The following CDH4 variants were observed in gnomAD, a reference collection of about 807,000 sequenced individuals.
The protein encoded by CDH4 is cadherin 4, also known as cadherin-4.
In CDH4, 33 loss-of-function variants were observed where a neutral mutation model predicts 86.0. The observed-to-expected ratio is 0.38, with a 90% confidence interval of 0.29 to 0.51. The LOEUF is 0.51. Ranked by LOEUF, CDH4 falls within the 20% of genes least tolerant of loss-of-function variation. The probability of loss-of-function intolerance (pLI) is 0.86; values close to 1 mark genes in which losing one functional copy is unlikely to be tolerated. For missense variants in CDH4, 1,114 were observed against 1,307.4 expected (o/e 0.85, Z 2.28); for synonymous variants, 555 against 549.4 (o/e 1.01, Z -0.14).
intron 2 of CDH4, among the ~76,000 whole-genome samples, chr20:61,528,818 C>T (rs189331836): frequency 2.4e-4 from 37 of 151,052 alleles, no homozygotes; most frequent in Admixed American, 2.2e-3. Context: ...CGTGTCTGGC[C>T]GTCCTTGGAA....
intron 3 of CDH4, among the ~76,000 whole-genome samples, chr20:61,772,377 G>T (rs1189538256): frequency 1.3e-5 from 2 of 152,184 alleles, no homozygotes; most frequent in African/African-American, 4.8e-5. Flanking sequence ...AGGTAAAAAG[G>T]ATATATTACT....
chr20:61,924,357 C>G lies in CDH4; in HGVS notation c.1652C>G (p.Ala551Gly), dbSNP rs757482218. 1 of 1,613,586 alleles carries G rather than the reference C, an allele frequency of 6.2e-7. No homozygotes were observed. Among genetic ancestry groups the G allele is most frequent in the East Asian group, 2.2e-5 (1 of 44,848 alleles). The change falls in exon 11 of 16, where the codon GCG (alanine) becomes GGG (glycine). Residue 551 changes from alanine to glycine, a missense_variant. This residue lies in a region of CDH4 where 705 missense variants were observed against 914.1 expected (regional missense o/e 0.77). Coordinates refer to ENST00000614565, the MANE Select transcript of CDH4 (RefSeq NM_001794.5). ...AVRYSKLSDPASWLHINATNG... is the reference protein window; with the variant it reads ...AVRYSKLSDPGSWLHINATNG... ...AGATACTCAAAGCTGTCAGACCCAG[C>G]GAGCTGGCTGCACATCAATGCCACC... is the stretch of plus-strand genomic sequence containing the variant.
chr20:61,310,095 C>T (rs2084437398), intron 2 of CDH4, among the ~76,000 whole-genome samples: 1 of 152,146 alleles, frequency 6.6e-6, no homozygotes, highest in South Asian at 2.1e-4. Context: ...TCACCTGCCC[C>T]CCTCCAAAGC....
intron 2 of CDH4, among the ~76,000 whole-genome samples, chr20:61,515,354 C>T (rs576908351): frequency 6.6e-6 from 1 of 152,346 alleles, no homozygotes; most frequent in Admixed American, 6.5e-5. Flanking sequence ...CCAAAAGCTG[C>T]ATGTATGATA....
intron 2 of CDH4, among the ~76,000 whole-genome samples, chr20:61,683,795 G>A (rs16985437): frequency 0.046 from 6,966 of 152,322 alleles, 302 homozygotes; most frequent in African/African-American, 0.1. Flanking sequence ...CTAAGTAAAC[G>A]ATCCTGATTA....
At chr20:61,731,880 G>A (rs1372697975) in intron 2 of CDH4, among the ~76,000 whole-genome samples, 1 of 152,170 alleles carries the variant, frequency 6.6e-6, no homozygotes, top group African/African-American at 2.4e-5. Flanking sequence ...CTCTACTGGA[G>A]GGTGTGTCCC....
intron 2 of CDH4, among the ~76,000 whole-genome samples, chr20:61,323,067 C>T (rs2084517443): frequency 6.6e-6 from 1 of 152,216 alleles, no homozygotes; most frequent in South Asian, 2.1e-4. Flanking sequence ...CCAGGACGCA[C>T]TGCCGGATAT....
At chr20:61,653,429 C>T (rs1319995817) in intron 2 of CDH4, among the ~76,000 whole-genome samples, 1 of 137,606 alleles carries the variant, frequency 7.3e-6, no homozygotes, top group African/African-American at 2.6e-5. Flanking sequence ...GTCATCATGG[C>T]CCGTTCTCAA....
chr20:61,822,890 G>T (rs543727295), intron 4 of CDH4, among the ~76,000 whole-genome samples: 3 of 152,008 alleles, frequency 2.0e-5, no homozygotes, highest in East Asian at 3.9e-4. Context: ...TGCCAGAGGA[G>T]CAGGTCGAAG....
At chr20:61,631,405 C>G (rs1416522613) in intron 2 of CDH4, among the ~76,000 whole-genome samples, 1 of 152,122 alleles carries the variant, frequency 6.6e-6, no homozygotes, top group Non-Finnish European at 1.5e-5. Context: ...TTTGGGAGAC[C>G]GAGGAGGGCA....
At chr20:61,344,292 C>A (rs1475164091) in intron 2 of CDH4, among the ~76,000 whole-genome samples, 1 of 152,134 alleles carries the variant, frequency 6.6e-6, no homozygotes, top group Non-Finnish European at 1.5e-5. Flanking sequence ...TGGGGTCACA[C>A]AAGGGGGCTG....
At chr20:61,772,414 A>T (rs971563976) in intron 3 of CDH4, among the ~76,000 whole-genome samples, 1 of 152,196 alleles carries the variant, frequency 6.6e-6, no homozygotes, top group African/African-American at 2.4e-5. Context: ...GATTACTGGG[A>T]GATGTGGATA....
chr20:61,283,485 GATGTAGGTGCA>G (rs2084274778), intron 2 of CDH4, among the ~76,000 whole-genome samples: 1 of 131,586 alleles, frequency 7.6e-6, no homozygotes, highest in African/African-American at 2.8e-5. Context: ...TGTGGTGTGT[GATGTAGGTGCA>G]TTTGCACGCG....
At chr20:61,271,417 T>C (rs2084182235) in intron 2 of CDH4, among the ~76,000 whole-genome samples, 2 of 152,302 alleles carry the variant, frequency 1.3e-5, no homozygotes, top group South Asian at 4.1e-4. Context: ...TCTTCCTAAG[T>C]GATAGAAGAC....
intron 2 of CDH4, among the ~76,000 whole-genome samples, chr20:61,382,933 G>GT (rs1323997083): frequency 1.3e-5 from 2 of 151,282 alleles, no homozygotes; most frequent in South Asian, 2.1e-4. Context: ...ATATAGACAT[G>GT]TTTTTTTGCA....
At chr20:61,599,729 T>G (rs1354399305) in intron 2 of CDH4, 1 of 912,370 alleles carries the variant, frequency 1.1e-6, no homozygotes, top group Non-Finnish European at 1.3e-6. Flanking sequence ...GAGGCCCCGC[T>G]CCTCCTCCTG....
chr20:61,824,599 C>T (rs948977938), intron 4 of CDH4, among the ~76,000 whole-genome samples: 1 of 152,140 alleles, frequency 6.6e-6, no homozygotes, highest in South Asian at 2.1e-4. Flanking sequence ...ACATCATTAA[C>T]TTATTTGGAA....
chr20:61,601,777 G>A (rs979010368), intron 2 of CDH4, among the ~76,000 whole-genome samples: 13 of 152,238 alleles, frequency 8.5e-5, no homozygotes, highest in Admixed American at 7.2e-4. Context: ...TTCTATGGGC[G>A]TTTGTTTAGG....
chr20:61,919,420 G>T (rs966554246), intron 9 of CDH4, among the ~76,000 whole-genome samples: 5 of 152,216 alleles, frequency 3.3e-5, no homozygotes, highest in Non-Finnish European at 5.9e-5. Flanking sequence ...GAACACCCCA[G>T]GTTCCTTCCT....
Sources: allele counts gnomAD v4.1 joint callset (sites outside exome capture counted in the v4.1 genomes callset), GRCh38; gene constraint gnomAD v4.1.1; regional missense constraint gnomAD v4.1.1; transcripts MANE v1.5; gene names NCBI Gene and HGNC (gene_info 2026-07-23, HGNC 2026-07-21).